The following CDYL variants were observed in gnomAD, a reference collection of about 807,000 sequenced individuals.
The protein encoded by CDYL is chromodomain Y-like protein.
Under a neutral mutation model 47.3 loss-of-function variants are expected in CDYL, and 8 were observed. The ratio of observed to expected loss-of-function variants is 0.17; its 90% CI spans 0.10 to 0.31. The LOEUF (loss-of-function observed/expected upper bound fraction) is 0.31, where lower values mean the gene tolerates loss of function less well. Among genes scored for constraint, CDYL ranks in the 10% least tolerant of loss-of-function variants. CDYL has a pLI of 1.00. For missense variants in CDYL, 471 were observed against 701.4 expected (o/e 0.67, Z 3.71); for synonymous variants, 266 against 265.0 (o/e 1.00, Z -0.04).
chr6:4,707,906 A>AT (rs1247876431), intron 1 of CDYL, among the ~76,000 whole-genome samples: 4 of 151,194 alleles, frequency 2.6e-5, no homozygotes, highest in East Asian at 1.9e-4. Context: ...ATTCAGTTCT[A>AT]TTTTTTTTAG....
In CDYL at chr6:4,861,363, A is replaced by G. The variant is rs145152283; in HGVS notation, c.25-30350A>G. ...GAGGTGGCCCCAGGACTTCTTATTG[A>G]AGGTTGGAGTGTCATCTGCCCCTAA... On this transcript the variant is annotated intron_variant, in intron 1 of 6. Coordinates refer to ENST00000397588, the MANE Select transcript of CDYL (RefSeq NM_004824.4). Among the ~76,000 whole-genome samples, 645 of 152,262 alleles carry G rather than the reference A, an allele frequency of 4.2e-3. 4 individuals are homozygous for G. The highest frequency in any genetic ancestry group is 6.8e-3 in the Non-Finnish European group (464 of 68,010).
chr6:4,897,640 G>T (rs556624395), intron 2 of CDYL, among the ~76,000 whole-genome samples: 9 of 152,246 alleles, frequency 5.9e-5, no homozygotes, highest in Non-Finnish European at 1.3e-4. Flanking sequence ...GACCAGGCCA[G>T]GTGTGGTGGC....
intron 1 of CDYL, among the ~76,000 whole-genome samples, chr6:4,859,054 T>G (rs1261871214): frequency 6.6e-6 from 1 of 152,206 alleles, no homozygotes; most frequent in Admixed American, 6.5e-5. Context: ...AGAGCTAGAA[T>G]CATTTGTACA....
chr6:4,773,159 C>G (rs1027105982), upstream of CDYL: 1 of 457,304 alleles, frequency 2.2e-6, no homozygotes, highest in Non-Finnish European at 4.4e-6. This position sits in a 1 kb window ranked among gnomAD's most constrained non-coding sequence, Gnocchi z 4.6. Flanking sequence ...TGTTGGCCTA[C>G]AACAACGGGA....
chr6:4,870,953 G>A (rs557272675), intron 1 of CDYL, among the ~76,000 whole-genome samples: 10 of 152,316 alleles, frequency 6.6e-5, no homozygotes, highest in African/African-American at 2.4e-4. Context: ...TTGATGTGAA[G>A]TCCTTTTCCA....
At chr6:4,759,994 A>C (rs1193243107) in intron 3 of CDYL, among the ~76,000 whole-genome samples, 2 of 151,186 alleles carry the variant, frequency 1.3e-5, no homozygotes, top group African/African-American at 4.8e-5. Flanking sequence ...CTTTTACAGT[A>C]ATTTTCCTTG....
intron 4 of CDYL, among the ~76,000 whole-genome samples, chr6:4,940,944 C>G (rs768176884): frequency 6.6e-6 from 1 of 152,242 alleles, no homozygotes; most frequent in Admixed American, 6.5e-5. Context: ...AACTTCAGGT[C>G]CCTGCTGCCT....
chr6:4,914,901 C>T (rs184871493), intron 2 of CDYL, among the ~76,000 whole-genome samples: 419 of 152,292 alleles, frequency 2.8e-3, no homozygotes, highest in Non-Finnish European at 4.6e-3. Flanking sequence ...GGAGAGTAGG[C>T]AGGGATGAGT....
chr6:4,883,138 G>A (rs1276608846), intron 1 of CDYL, among the ~76,000 whole-genome samples: 3 of 152,180 alleles, frequency 2.0e-5, no homozygotes. Context: ...GTAAACAGGT[G>A]AAAATAGCTC....
chr6:4,749,239 A>C (rs972256378), intron 3 of CDYL, among the ~76,000 whole-genome samples: 5 of 152,248 alleles, frequency 3.3e-5, no homozygotes, highest in African/African-American at 9.6e-5. Context: ...CACAGCACCT[A>C]GCCCAGAGCC....
chr6:4,806,492 T>C (rs1197459559), intron 1 of CDYL, among the ~76,000 whole-genome samples: 1 of 152,228 alleles, frequency 6.6e-6, no homozygotes, highest in Non-Finnish European at 1.5e-5. Flanking sequence ...TGATACAGCA[T>C]TCTCAAATAC....
At chr6:4,800,660 C>T (rs1033551368) in intron 1 of CDYL, among the ~76,000 whole-genome samples, 2 of 151,938 alleles carry the variant, frequency 1.3e-5, no homozygotes, top group African/African-American at 4.8e-5. Context: ...CTTATTTTAC[C>T]TTCATTTTTA....
chr6:4,723,189 A>G (rs1473497969), intron 2 of CDYL, among the ~76,000 whole-genome samples: 1 of 152,228 alleles, frequency 6.6e-6, no homozygotes, highest in Non-Finnish European at 1.5e-5. Flanking sequence ...AACTATTTAC[A>G]TAGCATTTAC....
intron 3 of CDYL, among the ~76,000 whole-genome samples, 184 bp downstream of exon 3, chr6:4,935,955 A>G (rs184815933): frequency 5.3e-5 from 8 of 152,144 alleles, no homozygotes; most frequent in Non-Finnish European, 8.8e-5. Context: ...CCCACCTCCA[A>G]TGGCCGTGAA....
At chr6:4,913,419 A>G (rs1456596565) in intron 2 of CDYL, among the ~76,000 whole-genome samples, 6 of 152,226 alleles carry the variant, frequency 3.9e-5, no homozygotes, top group Admixed American at 1.3e-4. Context: ...GGCAGTGGCA[A>G]TAGAATCACC....
In CDYL at chr6:4,822,156, T is replaced by G. The variant is rs114403828; in HGVS notation, c.24+45349T>G. Among the ~76,000 whole-genome samples the G allele has an allele frequency of 3.5e-3, 536 of 151,860 alleles. 2 individuals are homozygous for G. The highest frequency in any genetic ancestry group is 0.013 in the African/African-American group (523 of 41,420). On this transcript the variant is annotated intron_variant, in intron 1 of 6. Coordinates refer to ENST00000397588, the MANE Select transcript of CDYL (RefSeq NM_004824.4). ...GCAAATTTTTCTTTTCTTTATTTTTTTTTTCTTTCTGTAGAGATGGGGTTG... is the reference window on the plus strand; with the variant it reads ...GCAAATTTTTCTTTTCTTTATTTTTGTTTTCTTTCTGTAGAGATGGGGTTG...
At chr6:4,829,374 G>T (rs1760070010) in intron 1 of CDYL, among the ~76,000 whole-genome samples, 1 of 152,162 alleles carries the variant, frequency 6.6e-6, no homozygotes, top group South Asian at 2.1e-4. Flanking sequence ...TTTTGGCAGA[G>T]ATTTCTTTGG....
intron 2 of CDYL, among the ~76,000 whole-genome samples, chr6:4,726,090 A>G (rs1203982864): frequency 6.6e-6 from 1 of 152,096 alleles, no homozygotes; most frequent in Non-Finnish European, 1.5e-5. Flanking sequence ...TCTTTCCATC[A>G]CCATTAATCC....
intron 2 of CDYL, among the ~76,000 whole-genome samples, chr6:4,925,730 A>G (rs1304033606): frequency 1.3e-5 from 2 of 152,122 alleles, no homozygotes; most frequent in African/African-American, 4.8e-5. Context: ...GAGAGTAGGC[A>G]TGGATGAGTA....
Sources: allele counts gnomAD v4.1 joint callset (sites outside exome capture counted in the v4.1 genomes callset), GRCh38; gene constraint gnomAD v4.1.1; non-coding constraint Gnocchi (gnomAD v3.1); transcripts MANE v1.5; gene names NCBI Gene and HGNC (gene_info 2026-07-23, HGNC 2026-07-21).